MON1A: variants seen among roughly 807,000 people sequenced by gnomAD.
The protein encoded by MON1A is MON1 vesicular trafficking associated A.
A neutral mutation model predicts 44.6 loss-of-function variants in MON1A; 29 were observed. The ratio of observed to expected loss-of-function variants is 0.65; its 90% CI spans 0.48 to 0.89. The LOEUF (loss-of-function observed/expected upper bound fraction) is 0.89, where lower values mean the gene tolerates loss of function less well. Ranked by LOEUF, MON1A falls within the 40% of genes least tolerant of loss-of-function variation. The pLI is 0.00. For missense variants in MON1A, 615 were observed against 759.6 expected (o/e 0.81, Z 2.24); for synonymous variants, 275 against 316.4 (o/e 0.87, Z 1.39).
chr3:49,915,099 T>C (rs906290081), intron 1 of MON1A, among the ~76,000 whole-genome samples: 4 of 152,352 alleles, frequency 2.6e-5, no homozygotes, highest in African/African-American at 9.6e-5. Flanking sequence ...AGTTACCTAA[T>C]CTTGATCACG....
chr3:49,929,801 T>G lies in MON1A; in HGVS notation c.-206A>C. 7 of 1,547,608 alleles carry G rather than the reference T, an allele frequency of 4.5e-6. No individual in the cohort carries two copies. The Admixed American group carries it at 1.4e-4, about 30-fold the overall frequency. ...CCCACCGCCCTCACCCGGCCGCCGG[T>G]GCAGGAAGATAGCTTTCGCCGGCCT... On this transcript the variant is annotated 5_prime_UTR_variant, in exon 1 of 6. Transcript: ENST00000296473.
intron 1 of MON1A, among the ~76,000 whole-genome samples, chr3:49,922,133 G>C (rs1481802494): frequency 9.7e-6 from 1 of 103,014 alleles, no homozygotes; most frequent in Non-Finnish European, 2.0e-5. Context: ...GCAAAGCTCT[G>C]TCTCAAAAAA....
At chr3:49,929,090 C>T (rs1169532324) in intron 1 of MON1A, among the ~76,000 whole-genome samples, 1 of 152,158 alleles carries the variant, frequency 6.6e-6, no homozygotes, top group East Asian at 1.9e-4. Context: ...GGCGTGGTGG[C>T]GCATGCCTGT....
In MON1A at chr3:49,910,997, G is replaced by T; in HGVS notation, c.614-113C>A. ...ATCCTTTCCTCGCTCAGAGCTCTGC[G>T]CACAGTAGGGGTTTAAGGATGTTCA... On this transcript the variant is annotated intron_variant, in intron 3 of 5. Transcript: ENST00000296473. The surrounding 1 kb of genome is among the most constrained non-coding windows in gnomAD (Gnocchi z 8.0). 9.7e-7 allele frequency: 1 copy of T among 1,034,756 alleles called. No individual in the cohort carries two copies. Among genetic ancestry groups the T allele is most frequent in the Non-Finnish European group, 1.4e-6 (1 of 724,140 alleles). The allele number at this position is 1,034,756 out of a possible 1,614,324, so 64.1% of individuals were successfully genotyped here.
At chr3:49,926,309 A>T (rs1235859006) in intron 1 of MON1A, among the ~76,000 whole-genome samples, 3 of 152,208 alleles carry the variant, frequency 2.0e-5, no homozygotes, top group Non-Finnish European at 2.9e-5. Context: ...TATGTGACTC[A>T]GTCCCTCACT....
intron 1 of MON1A, among the ~76,000 whole-genome samples, chr3:49,916,240 A>C (rs2082942133): frequency 6.6e-6 from 1 of 152,188 alleles, no homozygotes; most frequent in African/African-American, 2.4e-5. Flanking sequence ...AGTTCATGAA[A>C]AGGGTGGTCC....
rs1162557241 is a variant in MON1A, at chr3:49,909,162, AG to A, written c.1528-9del. On this transcript the variant is annotated splice_polypyrimidine_tract_variant and intron_variant, in intron 5 of 5. Coordinates refer to ENST00000296473, the MANE Select transcript of MON1A (RefSeq NM_032355.4). The surrounding 1 kb of genome is among the most constrained non-coding windows in gnomAD (Gnocchi z 4.0). The stretch of plus-strand genomic sequence containing the variant: ...CTCAAAGGCGCCTGTCACCTGGAGA[AG>A]GGGCAAAGGGTCGTCATCTAGGTTA... 9.9e-6 allele frequency: 16 copies of A among 1,608,780 alleles called. No homozygotes were observed. Among genetic ancestry groups the A allele is most frequent in the Middle Eastern group, 1.7e-4 (1 of 6,060 alleles).
rs1208326281 is a variant in MON1A at position 49,913,256 on chromosome 3, T to C, written c.91A>G (p.Ser31Gly). The C allele has an allele frequency of 6.2e-7, 1 of 1,614,222 alleles. No homozygotes were observed. The highest frequency in any genetic ancestry group is 1.7e-5 in the Admixed American group (1 of 60,016). The change falls in exon 2 of 6, where the codon AGC (serine) becomes GGC (glycine). Residue 31 changes from serine (S) to glycine (G), a missense_variant. Coordinates refer to ENST00000296473, the MANE Select transcript of MON1A (RefSeq NM_032355.4). ...CCCTGGGCCATTCCTGGTGTGGGGC[T>C]CTCAGCTCTCTCCATACTCTGTCCA... ...SDGQSMERAE[S>G]PTPGMAQGME...
chr3:49,927,799 G>C (rs1193694110), intron 1 of MON1A, among the ~76,000 whole-genome samples: 1 of 152,028 alleles, frequency 6.6e-6, no homozygotes, highest in Non-Finnish European at 1.5e-5. Flanking sequence ...TACTCAGGAG[G>C]CTGAGGCAGG....
At chr3:49,912,156 A>C in intron 2 of MON1A, 145 bp from the exon 3 acceptor site, 1 of 1,031,978 alleles carries the variant, frequency 9.7e-7, no homozygotes, top group East Asian at 2.7e-5. Flanking sequence ...TCTGCCATGG[A>C]TGATGCTTCT....
intron 2 of MON1A, 22 bp downstream of exon 2, chr3:49,913,198 G>A: frequency 1.2e-6 from 2 of 1,614,218 alleles, no homozygotes; most frequent in Non-Finnish European, 1.7e-6. Flanking sequence ...GCAGCTGGCT[G>A]AGGCTGTACA....
At position 49,910,898 on chromosome 3, in the gene MON1A, A is replaced by G. The variant is rs763427605; in HGVS notation, c.614-14T>C. The G allele has an allele frequency of 1.9e-6, 3 of 1,575,020 alleles. No individual in the cohort carries two copies. The highest frequency in any genetic ancestry group is 2.6e-6 in the Non-Finnish European group (3 of 1,156,642). On this transcript the variant is annotated splice_polypyrimidine_tract_variant and intron_variant, in intron 3 of 5. Coordinates refer to ENST00000296473, the MANE Select transcript of MON1A (RefSeq NM_032355.4). This position sits in a 1 kb window ranked among gnomAD's most constrained non-coding sequence, Gnocchi z 8.0. The stretch of plus-strand genomic sequence containing the variant: ...CCTTGTAGCCATCTGAGAGCGGGAC[A>G]GGAAAGAAGGATGTCAGCCTCAGCG...
At position 49,909,015 on chromosome 3, in the gene MON1A, C is replaced by A; in HGVS notation, c.1667G>T (p.Ter556LeuextTer13). 1 of 1,611,260 alleles carries A rather than the reference C, an allele frequency of 6.2e-7. No individual in the cohort carries two copies. The highest frequency in any genetic ancestry group is 8.5e-7 in the Non-Finnish European group (1 of 1,178,344). Reference protein sequence around the residue: ...RLFILTPLTY* With the variant: ...RLFILTPLTYL ...AGGCTGAGCCCGCACACATTCCCAT[C>A]AATAGGTGAGGGGCGTGAGAATGAA... The change falls in exon 6 of 6, where the codon TGA (stop) becomes TTA (leucine). Residue 556 changes from the stop codon to leucine, a stop_lost. Coordinates refer to ENST00000296473, the MANE Select transcript of MON1A (RefSeq NM_032355.4). This position sits in a 1 kb window ranked among gnomAD's most constrained non-coding sequence, Gnocchi z 4.0.
chr3:49,919,307 C>T (rs2082975762), intron 1 of MON1A, among the ~76,000 whole-genome samples: 1 of 152,138 alleles, frequency 6.6e-6, no homozygotes, highest in South Asian at 2.1e-4. Context: ...ACAAACTTCC[C>T]CTTAACTCTA....
chr3:49,922,667 G>A (rs2083011587), intron 1 of MON1A, among the ~76,000 whole-genome samples: 1 of 151,530 alleles, frequency 6.6e-6, no homozygotes, highest in Admixed American at 6.6e-5. Flanking sequence ...AAAGAAGCCA[G>A]GAAAGAAGGA....
chr3:49,910,762 G>A lies in MON1A; in HGVS notation c.736C>T (p.Leu246Phe), dbSNP rs2082868478. The change falls in exon 4 of 6, where the codon CTT becomes TTT. Residue 246 changes from leucine (L) to phenylalanine (F), a missense_variant. Leu to Phe is a conservative substitution (Grantham distance 22, BLOSUM62 0). Coordinates refer to ENST00000296473, the MANE Select transcript of MON1A (RefSeq NM_032355.4). The surrounding 1 kb of genome is among the most constrained non-coding windows in gnomAD (Gnocchi z 8.0). ...TGGCTCAGCTGCGCACCGGTAAGAA[G>A]GCTTAGGATCTGGTAGTAGATGTAG... ...LLYIYYQILS[L>F]LTGAQLSHIF... 1.1e-5 allele frequency: 18 copies of A among 1,614,152 alleles called. No individual in the cohort carries two copies. Among genetic ancestry groups the A allele is most frequent in the Non-Finnish European group, 1.4e-5 (17 of 1,180,022 alleles).
Position 49,910,595 on chromosome 3 carries a change from GGCC to G in MON1A, c.900_902del (p.Ala301del). ...GGCTGGCGCTCACAGTGTCGCGCAC[GGCC>G]GCCGCCAGGGGCAGGCACCGTGCCG... is the stretch of plus-strand genomic sequence containing the variant. On this transcript the variant is annotated inframe_deletion, in exon 4 of 6. Coordinates refer to ENST00000296473, the MANE Select transcript of MON1A (RefSeq NM_032355.4). This position sits in a 1 kb window ranked among gnomAD's most constrained non-coding sequence, Gnocchi z 8.0. The G allele has an allele frequency of 1.2e-6, 2 of 1,603,856 alleles. No individual in the cohort carries two copies. The highest frequency in any genetic ancestry group is 1.7e-6 in the Non-Finnish European group (2 of 1,174,784).
At position 49,913,304 on chromosome 3, in the gene MON1A, C is replaced by G; in HGVS notation, c.43G>C (p.Asp15His). The change falls in exon 2 of 6, where the codon GAT becomes CAT. Residue 15 changes from aspartate (D) to histidine (H), a missense_variant. Asp to His is a moderately conservative substitution (Grantham distance 81, BLOSUM62 -1). Transcript: ENST00000296473. Reference sequence around the variant, plus strand: ...CCATCAGAAGGAGTCAATGTGCCATCAAGGCATTCGCTGCTTCTCTTCCTC... The same window carrying G: ...CCATCAGAAGGAGTCAATGTGCCATGAAGGCATTCGCTGCTTCTCTTCCTC... ...MQRKRSSECL[D>H]GTLTPSDGQS... The G allele has an allele frequency of 6.2e-7, 1 of 1,613,924 alleles. No homozygotes were observed. The highest frequency in any genetic ancestry group is 1.1e-5 in the South Asian group (1 of 91,080).
chr3:49,913,853 G>A (rs1053840438), intron 1 of MON1A, among the ~76,000 whole-genome samples: 4 of 151,326 alleles, frequency 2.6e-5, no homozygotes, highest in East Asian at 1.9e-4. Context: ...TGGTATAGAC[G>A]GGGTTTCACC....
Sources: allele counts gnomAD v4.1 joint callset (sites outside exome capture counted in the v4.1 genomes callset), GRCh38; gene constraint gnomAD v4.1.1; non-coding constraint Gnocchi (gnomAD v3.1); transcripts MANE v1.5; gene names NCBI Gene and HGNC (gene_info 2026-07-23, HGNC 2026-07-21).